KMT5B: variants seen among roughly 807,000 people sequenced by gnomAD.
KMT5B encodes lysine methyltransferase 5B, also known as histone-lysine N-methyltransferase KMT5B.
Under a neutral mutation model 83.2 loss-of-function variants are expected in KMT5B, and 10 were observed. That is an observed-to-expected ratio of 0.12 (90% CI 0.07 to 0.20). The LOEUF is 0.20. Ranked by LOEUF, KMT5B falls within the 10% of genes least tolerant of loss-of-function variation. The pLI is 1.00. For synonymous variants in KMT5B, 349 were observed against 388.8 expected (o/e 0.90, Z 1.20); for missense variants, 753 against 1,067.2 (o/e 0.71, Z 4.10).
intron 10 of KMT5B, chr11:68,165,808 G>A: frequency 1.3e-6 from 2 of 1,584,596 alleles, no homozygotes; most frequent in South Asian, 1.2e-5. Context: ...TAACGAAAAA[G>A]ACTGGAATAG....
rs751550288 is a variant in KMT5B, at chr11:68,158,403, G to C, written c.1943C>G (p.Pro648Arg). ...ACTGTGCTCACCCTGGTCAGAATGG[G>C]GACCCATCAAATCTGGTACCGCGTC... ...KDDAVPDLMGPHSDQGEHSGT... is the reference protein window; with the variant it reads ...KDDAVPDLMGRHSDQGEHSGT... Residue 648 changes from proline (P) to arginine (R), a missense_variant, in exon 11 of 11, where the codon CCC (proline) becomes CGC (arginine). By Grantham distance (103) the Pro-to-Arg change is moderately radical. Transcript: ENST00000304363. The C allele has an allele frequency of 6.2e-7, 1 of 1,614,050 alleles. No homozygotes were observed. Among genetic ancestry groups the C allele is most frequent in the Non-Finnish European group, 8.5e-7 (1 of 1,179,970 alleles).
intron 1 of KMT5B, among the ~76,000 whole-genome samples, chr11:68,210,865 G>A (rs549054049): frequency 2.9e-4 from 44 of 152,250 alleles, no homozygotes; most frequent in Non-Finnish European, 5.4e-4. Context: ...TCCTGACCAC[G>A]GAGAAGGATT....
chr11:68,174,581 C>T lies in KMT5B; in HGVS notation c.543+437G>A, dbSNP rs527771644. 5.9e-5 allele frequency among the ~76,000 whole-genome samples: 9 copies of T among 152,218 alleles called. 1 individual carries two copies. Among genetic ancestry groups the T allele is most frequent in the East Asian group, 1.9e-4 (1 of 5,176 alleles). On this transcript the variant is annotated intron_variant, in intron 5 of 10. Transcript: ENST00000304363. ...CTTGCTCTGTCTCCCAGGGCTGGAG[C>T]GCAGTGGCATGATCATAGCTCAGAG...
intron 2 of KMT5B, among the ~76,000 whole-genome samples, chr11:68,188,609 T>C (rs1310523876): frequency 6.6e-6 from 1 of 152,124 alleles, no homozygotes; most frequent in Non-Finnish European, 1.5e-5. Flanking sequence ...TCCATTCGCC[T>C]TGGACTCCCA....
Position 68,159,023 on chromosome 11 carries a change from C to A in KMT5B, c.1323G>T (p.Leu441=). 6.2e-7 allele frequency: 1 copy of A among 1,612,750 alleles called. No homozygotes were observed. Among genetic ancestry groups the A allele is most frequent in the Non-Finnish European group, 8.5e-7 (1 of 1,179,698 alleles). Residue 441 remains leucine, a synonymous_variant, in exon 11 of 11, where the codon CTG becomes CTT. Coordinates refer to ENST00000304363, the MANE Select transcript of KMT5B (RefSeq NM_017635.5). ...AAAGTAAAGGCTTTGCAGGCTTCTT[C>A]AGTTTCTTTGGTACCCTGGAATTAT... The part of the protein sequence containing the change: ...HINNSRVPKK[L]KKPAKPLLSK...
chr11:68,159,592 T>C (rs913186313), intron 10 of KMT5B, among the ~76,000 whole-genome samples: 1 of 152,226 alleles, frequency 6.6e-6, no homozygotes, highest in African/African-American at 2.4e-5. Flanking sequence ...CTAAAATCCA[T>C]TGCTCATTAA....
intron 1 of KMT5B, among the ~76,000 whole-genome samples, chr11:68,210,274 T>C (rs1476232115): frequency 2.0e-5 from 3 of 151,900 alleles, no homozygotes; most frequent in Non-Finnish European, 2.9e-5. Flanking sequence ...TACCCTAGTC[T>C]CTCAATTCTA....
At chr11:68,200,971 A>C (rs1859363728) in intron 1 of KMT5B, among the ~76,000 whole-genome samples, 1 of 152,224 alleles carries the variant, frequency 6.6e-6, no homozygotes, top group South Asian at 2.1e-4. Flanking sequence ...ATGGGAAAAG[A>C]AGCACTTACT....
intron 1 of KMT5B, among the ~76,000 whole-genome samples, chr11:68,196,558 A>T (rs1334901821): frequency 2.7e-5 from 4 of 147,070 alleles, no homozygotes; most frequent in African/African-American, 5.3e-5. Flanking sequence ...TTTCTGCATT[A>T]AAAAAAACTG....
At chr11:68,210,420 G>A (rs940921140) in intron 1 of KMT5B, among the ~76,000 whole-genome samples, 2 of 152,190 alleles carry the variant, frequency 1.3e-5, no homozygotes, top group Non-Finnish European at 2.9e-5. Context: ...AAAATAGGAT[G>A]GCAGTGAAGT....
Position 68,196,877 on chromosome 11 carries a change from G to A in KMT5B, c.-76-6725C>T, listed in dbSNP as rs188508209. 5.9e-5 allele frequency among the ~76,000 whole-genome samples: 9 copies of A among 152,144 alleles called. No homozygotes were observed. The East Asian group carries it at 1.5e-3, about 26-fold the overall frequency. On this transcript the variant is annotated intron_variant, in intron 1 of 10. Transcript: ENST00000304363. ...GAACAATGTACTTTTAGGCTTCTCAGGAGTCCTAATATACCTCAAAAATAA... is the reference window on the plus strand; with the variant it reads ...GAACAATGTACTTTTAGGCTTCTCAAGAGTCCTAATATACCTCAAAAATAA...
At chr11:68,170,897 T>TAAAGAACATAAAGA in intron 9 of KMT5B, 118 bp downstream of exon 9, 1 of 1,135,256 alleles carries the variant, frequency 8.8e-7, no homozygotes, top group South Asian at 1.7e-5. Context: ...GCCGCTATGC[T>TAAAGAACATAAAGA]AAAGAACATA....
At chr11:68,204,193 C>T (rs1239587505) in intron 1 of KMT5B, among the ~76,000 whole-genome samples, 1 of 152,136 alleles carries the variant, frequency 6.6e-6, no homozygotes, top group African/African-American at 2.4e-5. Flanking sequence ...TTGAAAAAGA[C>T]TAAACTTGTT....
At chr11:68,200,429 G>A (rs1015516842) in intron 1 of KMT5B, among the ~76,000 whole-genome samples, 3 of 152,228 alleles carry the variant, frequency 2.0e-5, no homozygotes, top group African/African-American at 7.2e-5. Context: ...GGCTATTGCT[G>A]ATCTGTGAGC....
chr11:68,204,340 A>G (rs1220629883), intron 1 of KMT5B, among the ~76,000 whole-genome samples: 2 of 152,212 alleles, frequency 1.3e-5, no homozygotes, highest in Non-Finnish European at 2.9e-5. Context: ...ATTTTGAGAT[A>G]AAAGAGATTA....
chr11:68,174,852 T>G (rs1856204223), intron 5 of KMT5B, among the ~76,000 whole-genome samples, 166 bp downstream of exon 5: 1 of 152,178 alleles, frequency 6.6e-6, no homozygotes, highest in Admixed American at 6.6e-5. Flanking sequence ...CCCAGTTTTT[T>G]CTCTGGACTG....
intron 2 of KMT5B, among the ~76,000 whole-genome samples, chr11:68,186,633 G>A (rs1219490236): frequency 6.6e-6 from 1 of 152,170 alleles, no homozygotes; most frequent in African/African-American, 2.4e-5. Flanking sequence ...TGGAAGAAAA[G>A]CAATGTAAAG....
At chr11:68,175,914 G>GTTTTTT (rs397848049) in intron 4 of KMT5B, among the ~76,000 whole-genome samples, 2 of 126,358 alleles carry the variant, frequency 1.6e-5, no homozygotes, top group African/African-American at 3.0e-5. Flanking sequence ...GGGTAGAGTT[G>GTTTTTT]TTTTTTTTTT....
intron 9 of KMT5B, among the ~76,000 whole-genome samples, chr11:68,168,735 A>G (rs745438511): frequency 1.3e-5 from 2 of 152,202 alleles, no homozygotes; most frequent in Non-Finnish European, 2.9e-5. Context: ...CTTCAAATGT[A>G]TCCTGGAGTG....
Sources: allele counts gnomAD v4.1 joint callset (sites outside exome capture counted in the v4.1 genomes callset), GRCh38; gene constraint gnomAD v4.1.1; transcripts MANE v1.5; gene names NCBI Gene and HGNC (gene_info 2026-07-23, HGNC 2026-07-21).